The following CFAP92 variants were observed in gnomAD, a reference collection of about 807,000 sequenced individuals.
The protein encoded by CFAP92 is cilia and flagella associated protein 92 (putative).
A neutral mutation model predicts 106.3 loss-of-function variants in CFAP92; 86 were observed. That is an observed-to-expected ratio of 0.81 (90% CI 0.68 to 0.97). CFAP92 has a LOEUF of 0.97. Ranked by LOEUF, CFAP92 falls within the 50% of genes least tolerant of loss-of-function variation. The pLI, the probability that CFAP92 is intolerant of heterozygous loss-of-function variation, is 0.00. For missense variants in CFAP92, 1,204 were observed against 1,283.8 expected (o/e 0.94, Z 0.95); for synonymous variants, 477 against 506.4 (o/e 0.94, Z 0.78).
At chr3:129,001,168 C>T (rs965693595) in intron 1 of CFAP92, among the ~76,000 whole-genome samples, 2 of 152,240 alleles carry the variant, frequency 1.3e-5, no homozygotes, top group Non-Finnish European at 2.9e-5. Context: ...AGGCCGCCAC[C>T]CCCAAGGCCC....
At chr3:128,986,477 TC>T (rs1943864320) in intron 4 of CFAP92, among the ~76,000 whole-genome samples, 1 of 152,130 alleles carries the variant, frequency 6.6e-6, no homozygotes, top group Non-Finnish European at 1.5e-5. Flanking sequence ...TGCCTCAGCC[TC>T]CCAAAGTGCT....
chr3:128,910,788 C>T lies in CFAP92; in HGVS notation c.3281-455G>A, dbSNP rs1397918512. ...GCGTGGAAGCTTACTTGCAGAATCTCTTCAGCCTCTCTCAGCTGGACAAGT... is the reference window on the plus strand; with the variant it reads ...GCGTGGAAGCTTACTTGCAGAATCTTTTCAGCCTCTCTCAGCTGGACAAGT... On this transcript the variant is annotated intron_variant, in intron 15 of 15. Transcript: ENST00000645291. The T allele has an allele frequency of 6.2e-6, 10 of 1,614,098 alleles. No individual in the cohort carries two copies. The highest frequency in any genetic ancestry group is 2.2e-5 in the East Asian group (1 of 44,884).
At chr3:129,009,734 G>A in the CFAP92 span, among the ~76,000 whole-genome samples, 1 of 152,216 alleles carries the variant, frequency 6.6e-6, no homozygotes, top group Non-Finnish European at 1.5e-5. Flanking sequence ...TGTCTGGGTA[G>A]AATAGCCCAC....
At chr3:128,944,787 G>A (rs1328862421) in intron 10 of CFAP92, among the ~76,000 whole-genome samples, 1 of 152,094 alleles carries the variant, frequency 6.6e-6, no homozygotes, top group East Asian at 1.9e-4. Flanking sequence ...AGAATATTCT[G>A]CTCCTGTTTA....
intron 12 of CFAP92, among the ~76,000 whole-genome samples, chr3:128,925,433 T>C (rs1033559017): frequency 1.3e-5 from 2 of 152,202 alleles, no homozygotes; most frequent in African/African-American, 4.8e-5. Context: ...GAACTGCTAC[T>C]GTTCCATAGC....
chr3:128,931,525 GTGTA>G (rs72135265), intron 12 of CFAP92, among the ~76,000 whole-genome samples: 18,085 of 120,424 alleles, frequency 0.15, 1,221 homozygotes, highest in African/African-American at 0.24. Context: ...ATGTATGTAT[GTGTA>G]TATATATATA....
At chr3:128,912,491 T>C in intron 15 of CFAP92, 5 of 1,609,042 alleles carry the variant, frequency 3.1e-6, no homozygotes, top group Non-Finnish European at 4.3e-6. Context: ...CCACCATCTC[T>C]CCTTTTCCTT....
At chr3:128,981,280 T>C (rs573190663) in intron 4 of CFAP92, among the ~76,000 whole-genome samples, 6 of 151,866 alleles carry the variant, frequency 4.0e-5, no homozygotes, top group Non-Finnish European at 7.4e-5. Flanking sequence ...TCGTGATCTG[T>C]CCCCCTCGGC....
intron 1 of CFAP92, chr3:129,002,070 C>G: frequency 2.0e-6 from 3 of 1,537,228 alleles, no homozygotes; most frequent in Non-Finnish European, 2.6e-6. Context: ...GTTCCACGCG[C>G]GCCTCTGTGG....
At chr3:129,011,012 G>A in the CFAP92 span, among the ~76,000 whole-genome samples, 12 of 152,126 alleles carry the variant, frequency 7.9e-5, no homozygotes, top group Non-Finnish European at 1.3e-4. Flanking sequence ...CAGTTTCCTC[G>A]GCTATAAAGT....
chr3:128,956,198 A>T (rs1441305379), intron 9 of CFAP92, among the ~76,000 whole-genome samples: 54 of 76,900 alleles, frequency 7.0e-4, no homozygotes, highest in African/African-American at 4.8e-3. Flanking sequence ...AAAAAAAATA[A>T]AAAAAAAATA....
chr3:128,981,560 A>G (rs898445516), intron 4 of CFAP92, among the ~76,000 whole-genome samples: 1 of 142,404 alleles, frequency 7.0e-6, no homozygotes, highest in African/African-American at 2.7e-5. Flanking sequence ...CAAATTCCTG[A>G]CCTCAGGTGA....
chr3:128,913,766 G>A (rs185759398), intron 15 of CFAP92, among the ~76,000 whole-genome samples: 84 of 152,284 alleles, frequency 5.5e-4, no homozygotes, highest in African/African-American at 1.9e-3. Flanking sequence ...TATTGTGACC[G>A]TGTAAATAAC....
intron 15 of CFAP92, among the ~76,000 whole-genome samples, chr3:128,912,037 T>C (rs1936381766): frequency 6.6e-6 from 1 of 152,220 alleles, no homozygotes; most frequent in Admixed American, 6.5e-5. Flanking sequence ...AGGTTCTGGA[T>C]CAGTGTCCCC....
chr3:128,945,426 G>C lies in CFAP92; in HGVS notation c.1903C>G (p.Arg635Gly). ...YLEADSQLKL[R>G]VDIAVPLRAG... is the part of the protein sequence containing the mutation. The stretch of plus-strand genomic sequence containing the variant: ...CTCAGTGGCACCGCGATGTCCACTC[G>C]CAACTTGAGCTGGGAGTCAGCCTCT... The change falls in exon 10 of 16, where the codon CGA becomes GGA. Residue 635 changes from arginine to glycine, a missense_variant. Physicochemically the swap from Arg to Gly is moderately radical, Grantham distance 125. Coordinates refer to ENST00000645291, the MANE Select transcript of CFAP92 (RefSeq NM_001394090.1). 6.5e-7 allele frequency: 1 copy of C among 1,536,148 alleles called. No individual in the cohort carries two copies. The highest frequency in any genetic ancestry group is 1.2e-5 in the South Asian group (1 of 84,054).
intron 6 of CFAP92, 144 bp downstream of exon 6, chr3:128,976,835 A>ACC (rs1943188006): frequency 1.5e-6 from 1 of 663,074 alleles, no homozygotes; most frequent in Non-Finnish European, 2.8e-6. Flanking sequence ...AACACAAGCT[A>ACC]CCCCTTCCCT....
the CFAP92 span, among the ~76,000 whole-genome samples, chr3:129,012,694 C>T: frequency 6.6e-6 from 1 of 152,138 alleles, no homozygotes; most frequent in African/African-American, 2.4e-5. Flanking sequence ...AGTTGGGTGG[C>T]CATAGAAGTG....
At chr3:128,914,676 C>A (rs1363103669) in intron 15 of CFAP92, 1 of 163,060 alleles carries the variant, frequency 6.1e-6, no homozygotes, top group Non-Finnish European at 1.4e-5. Flanking sequence ...GCAAGACCTA[C>A]GTTTCCTGTC....
intron 12 of CFAP92, among the ~76,000 whole-genome samples, chr3:128,925,077 A>G (rs1475385558): frequency 6.6e-6 from 1 of 152,192 alleles, no homozygotes; most frequent in Non-Finnish European, 1.5e-5. Context: ...GATCACCCCA[A>G]CATACAGCAG....
Sources: allele counts gnomAD v4.1 joint callset (sites outside exome capture counted in the v4.1 genomes callset), GRCh38; gene constraint gnomAD v4.1.1; transcripts MANE v1.5; gene names NCBI Gene and HGNC (gene_info 2026-07-23, HGNC 2026-07-21).